Variants in KIAA0232 observed in about 807,000 individuals in gnomAD.
KIAA0232 encodes uncharacterized protein KIAA0232.
In KIAA0232, 27 loss-of-function variants were observed where a neutral mutation model predicts 122.0. That is an observed-to-expected ratio of 0.22 (90% CI 0.16 to 0.31). The LOEUF (loss-of-function observed/expected upper bound fraction) is 0.31. KIAA0232 is among the 10% of genes least tolerant of loss of function. The probability of loss-of-function intolerance (pLI) is 1.00; values close to 1 mark genes in which losing one functional copy is unlikely to be tolerated. For missense variants in KIAA0232, 1,551 were observed against 1,634.2 expected (o/e 0.95, Z 0.88); for synonymous variants, 613 against 587.6 (o/e 1.04, Z -0.63).
Position 6,871,669 on chromosome 4 carries a change from A to C in KIAA0232, c.3897A>C (p.Ala1299=). The C allele has an allele frequency of 6.2e-7, 1 of 1,602,660 alleles. No homozygotes were observed. Among genetic ancestry groups the C allele is most frequent in the Non-Finnish European group, 8.5e-7 (1 of 1,170,134 alleles). Reference sequence around the variant, plus strand: ...CCTTGTACTCTCCTCTTTTTCCTGCATCAGAGTGTGAAGGTAAGGAGACCT... The same window carrying C: ...CCTTGTACTCTCCTCTTTTTCCTGCCTCAGAGTGTGAAGGTAAGGAGACCT... ...EKALYSPLFP[A]SECEECYTNA... Residue 1299 remains alanine, a synonymous_variant, in exon 8 of 10, where the codon GCA becomes GCC. Coordinates refer to ENST00000307659, the MANE Select transcript of KIAA0232 (RefSeq NM_014743.3).
chr4:6,864,228 G>C, intron 7 of KIAA0232, 45 bp downstream of exon 7: 1 of 1,539,238 alleles, frequency 6.5e-7, no homozygotes, highest in Non-Finnish European at 8.7e-7. Context: ...TTTGATCAGA[G>C]TTTAACCCAA....
chr4:6,845,553 A>G (rs1719909723), intron 4 of KIAA0232, among the ~76,000 whole-genome samples: 1 of 152,118 alleles, frequency 6.6e-6, no homozygotes, highest in Admixed American at 6.5e-5. Context: ...TAGATTGATA[A>G]GTAATTTAGA....
intron 1 of KIAA0232, among the ~76,000 whole-genome samples, 176 bp downstream of exon 1, chr4:6,783,017 G>T (rs1279934064): frequency 6.6e-6 from 1 of 151,310 alleles, no homozygotes; most frequent in African/African-American, 2.4e-5. Context: ...GCCGCCGTGG[G>T]CTCTGGGGCC....
rs149733688 is a variant in KIAA0232, at chr4:6,838,441, T to A, written c.232-3626T>A. 2.8e-3 allele frequency among the ~76,000 whole-genome samples: 429 copies of A among 152,262 alleles called. 1 individual carries two copies. The highest frequency in any genetic ancestry group is 5.1e-3 in the Non-Finnish European group (349 of 68,000). ...TGGGCTCAAGTGATCTGCCCACCTCTGCCTCCCAAATTGCTAGGATTATAG... is the reference window on the plus strand; with the variant it reads ...TGGGCTCAAGTGATCTGCCCACCTCAGCCTCCCAAATTGCTAGGATTATAG... On this transcript the variant is annotated intron_variant, in intron 3 of 9. Transcript: ENST00000307659.
At position 6,862,084 on chromosome 4, in the gene KIAA0232, A is replaced by T; in HGVS notation, c.1702A>T (p.Thr568Ser). ...MELQGERAIW[T>S]DSTSSVGAEG... ...GTTGCAAGGGGAACGTGCAATATGG[A>T]CAGATTCTACCAGCTCCGTAGGTGC... The change falls in exon 7 of 10, where the codon ACA (threonine) becomes TCA (serine). Residue 568 changes from threonine to serine, a missense_variant. By Grantham distance (58) the Thr-to-Ser change is moderately conservative. Coordinates refer to ENST00000307659, the MANE Select transcript of KIAA0232 (RefSeq NM_014743.3). 6.2e-7 allele frequency: 1 copy of T among 1,614,142 alleles called. No individual in the cohort carries two copies. Among genetic ancestry groups the T allele is most frequent in the Non-Finnish European group, 8.5e-7 (1 of 1,180,034 alleles).
In KIAA0232 at chr4:6,874,904, T is replaced by C. The variant is rs184599679; in HGVS notation, c.3911-1756T>C. 3.1e-3 allele frequency among the ~76,000 whole-genome samples: 469 copies of C among 152,300 alleles called. 4 individuals carry two copies. Among genetic ancestry groups the C allele is most frequent in the South Asian group, 4.4e-3 (21 of 4,824 alleles). ...ACCCTGTGGCACAATAAAACCCTCTTGTATGTACAGAATTCCTAAAGCAGG... is the reference window on the plus strand; with the variant it reads ...ACCCTGTGGCACAATAAAACCCTCTCGTATGTACAGAATTCCTAAAGCAGG... On this transcript the variant is annotated intron_variant, in intron 8 of 9. Coordinates refer to ENST00000307659, the MANE Select transcript of KIAA0232 (RefSeq NM_014743.3).
intron 1 of KIAA0232, among the ~76,000 whole-genome samples, chr4:6,799,111 C>T (rs1029184709): frequency 5.9e-5 from 9 of 151,898 alleles, no homozygotes; most frequent in Non-Finnish European, 1.2e-4. Context: ...CTACTCTTAG[C>T]GTCTGGTGGT....
chr4:6,855,873 G>A lies in KIAA0232; in HGVS notation c.370-1291G>A, dbSNP rs192317808. The A allele has an allele frequency of 6.1e-6, 6 of 985,116 alleles. No individual in the cohort carries two copies. The South Asian group carries it at 1.9e-4, about 31-fold the overall frequency. 61.0% of individuals were successfully genotyped at this position (985,116 alleles called of 1,614,324 possible). ...CCGAAGGAAATGGAATATAATTGCC[G>A]TCCTTGTCACACCTTGAGCATTATG... On this transcript the variant is annotated intron_variant, in intron 4 of 9. Coordinates refer to ENST00000307659, the MANE Select transcript of KIAA0232 (RefSeq NM_014743.3). The surrounding 1 kb of genome is among the most constrained non-coding windows in gnomAD (Gnocchi z 4.3).
intron 3 of KIAA0232, among the ~76,000 whole-genome samples, chr4:6,831,358 T>C (rs890624970): frequency 1.3e-5 from 2 of 152,158 alleles, no homozygotes; most frequent in South Asian, 4.1e-4. Flanking sequence ...CTGGCCGATT[T>C]TGTTGTCTTT....
chr4:6,838,899 C>T (rs528647363), intron 3 of KIAA0232, among the ~76,000 whole-genome samples: 2 of 152,088 alleles, frequency 1.3e-5, no homozygotes, highest in African/African-American at 2.4e-5. Flanking sequence ...GAGGCCGAGG[C>T]GGGCAGATCA....
In KIAA0232 at chr4:6,876,679, G is replaced by C. The variant is rs1721774170; in HGVS notation, c.3930G>C (p.Lys1310Asn). ...SECEECYTNA[K>N]GESGLEEYPD... ...ATTAAGAATGTTACACAAATGCCAA[G>C]GGAGAGAGTGGTTTAGAAGAATATC... The change falls in exon 9 of 10, where the codon AAG (lysine) becomes AAC (asparagine). Residue 1310 changes from lysine to asparagine, a missense_variant. By Grantham distance (94) the Lys-to-Asn change is moderately conservative. This residue lies in a region of KIAA0232 where 1,108 missense variants were observed against 1,154.8 expected (regional missense o/e 0.96). Coordinates refer to ENST00000307659, the MANE Select transcript of KIAA0232 (RefSeq NM_014743.3). 1 of 1,611,990 alleles carries C rather than the reference G, an allele frequency of 6.2e-7. No individual in the cohort carries two copies. The highest frequency in any genetic ancestry group is 8.5e-7 in the Non-Finnish European group (1 of 1,178,074).
intron 9 of KIAA0232, among the ~76,000 whole-genome samples, chr4:6,880,297 A>G (rs1722002623): frequency 1.5e-5 from 1 of 65,484 alleles, no homozygotes; most frequent in South Asian, 5.2e-4. Context: ...TCCCTTCCCA[A>G]CACACAGGTC....
At chr4:6,824,767 T>C in intron 3 of KIAA0232, 83 bp downstream of exon 3, 1 of 1,141,088 alleles carries the variant, frequency 8.8e-7, no homozygotes, top group Non-Finnish European at 1.3e-6. Context: ...TTTTATACTT[T>C]AAAACTGAGC....
rs534811781 is a variant in KIAA0232 at position 6,851,478 on chromosome 4, C to T, written c.370-5686C>T. On this transcript the variant is annotated intron_variant, in intron 4 of 9. Transcript: ENST00000307659. ...ATCCCAGCACTTTGAGAAGCTGAGG[C>T]GGGTGGGTTGCTTGAGCCTGGCAGT... 7.2e-5 allele frequency among the ~76,000 whole-genome samples: 11 copies of T among 151,834 alleles called. No individual in the cohort carries two copies. In the South Asian group the frequency reaches 8.3e-4, roughly 11 times the overall value.
At chr4:6,839,226 AT>A (rs1178047543) in intron 3 of KIAA0232, among the ~76,000 whole-genome samples, 1 of 152,168 alleles carries the variant, frequency 6.6e-6, no homozygotes, top group Non-Finnish European at 1.5e-5. Context: ...AATTGATTAA[AT>A]TTTTTCCCAT....
At position 6,783,479 on chromosome 4, in the gene KIAA0232, C is replaced by T. The variant is rs1560154865; in HGVS notation, c.-354+638C>T. Among the ~76,000 whole-genome samples the T allele has an allele frequency of 2.0e-5, 3 of 152,302 alleles. No individual in the cohort carries two copies. The South Asian group carries it at 6.2e-4, about 32-fold the overall frequency. ...GAAAGTGGGCGCGGGAGGAAGGCTT[C>T]GGCCGGTGGGAGGCGCCCGGCGTCC... On this transcript the variant is annotated intron_variant, in intron 1 of 9. Transcript: ENST00000307659.
intron 4 of KIAA0232, among the ~76,000 whole-genome samples, chr4:6,847,692 G>A (rs1720039476): frequency 6.6e-6 from 1 of 152,144 alleles, no homozygotes; most frequent in South Asian, 2.1e-4. Flanking sequence ...AATGGGGTCT[G>A]TAAAGAGGAA....
In KIAA0232 at chr4:6,864,010, T is replaced by C; in HGVS notation, c.3628T>C (p.Cys1210Arg). The C allele has an allele frequency of 6.2e-7, 1 of 1,614,008 alleles. No individual in the cohort carries two copies. The highest frequency in any genetic ancestry group is 1.7e-5 in the Admixed American group (1 of 60,004). The change falls in exon 7 of 10, where the codon TGT becomes CGT. Residue 1210 changes from cysteine (C) to arginine (R), a missense_variant. By Grantham distance (180) the Cys-to-Arg change is radical. This residue lies in a region of KIAA0232 where 1,108 missense variants were observed against 1,154.8 expected (regional missense o/e 0.96). Coordinates refer to ENST00000307659, the MANE Select transcript of KIAA0232 (RefSeq NM_014743.3). ...GILSVGKQNQ[C>R]LECSMNESLE... ...TCTTTCAGTAGGAAAGCAAAATCAG[T>C]GTTTGGAATGTAGCATGAATGAATC...
intron 1 of KIAA0232, among the ~76,000 whole-genome samples, chr4:6,789,056 C>T (rs1716761339): frequency 6.6e-6 from 1 of 152,002 alleles, no homozygotes; most frequent in African/African-American, 2.4e-5. Flanking sequence ...CTGCCAACTC[C>T]ACCTCCTGGG....
Sources: gnomAD v4.1 joint callset for allele counts (sites outside exome capture counted in the v4.1 genomes callset) on GRCh38, gnomAD v4.1.1 for gene constraint, gnomAD v4.1.1 regional missense constraint, Gnocchi (gnomAD v3.1) non-coding constraint, MANE v1.5 for transcripts, NCBI Gene and HGNC (gene_info 2026-07-23, HGNC 2026-07-21) for gene names.